IWS1: variants seen among roughly 807,000 people sequenced by gnomAD.
The protein encoded by IWS1 is protein IWS1 homolog.
In IWS1, 27 loss-of-function variants were observed where a neutral mutation model predicts 86.7. The ratio of observed to expected loss-of-function variants is 0.31; its 90% CI spans 0.23 to 0.43. The LOEUF is 0.43. Among genes scored for constraint, IWS1 ranks in the 20% least tolerant of loss-of-function variants. The probability of loss-of-function intolerance (pLI) is 1.00; values close to 1 mark genes in which losing one functional copy is unlikely to be tolerated. For synonymous variants in IWS1, 313 were observed against 335.1 expected (o/e 0.93, Z 0.72); for missense variants, 827 against 1,000.8 (o/e 0.83, Z 2.34).
In IWS1 at chr2:127,489,996, T is replaced by A; in HGVS notation, c.2048-53A>T. On this transcript the variant is annotated intron_variant, in intron 10 of 13. Coordinates refer to ENST00000295321, the MANE Select transcript of IWS1 (RefSeq NM_017969.3). This position sits in a 1 kb window ranked among gnomAD's most constrained non-coding sequence, Gnocchi z 4.8. The stretch of plus-strand genomic sequence containing the variant: ...TGTCCATAAAATTGCATTTCCATTT[T>A]TTTCAAATAATTGCACCCCAGTGTG... 9.9e-7 allele frequency: 1 copy of A among 1,007,108 alleles called. No individual in the cohort carries two copies. The highest frequency in any genetic ancestry group is 1.6e-6 in the Non-Finnish European group (1 of 629,824). The allele number at this position is 1,007,108 out of a possible 1,614,324, so 62.4% of individuals were successfully genotyped here. A position where few individuals can be genotyped will look rare whatever the true frequency, so the allele number is the denominator to read the frequency against.
intron 3 of IWS1, among the ~76,000 whole-genome samples, chr2:127,503,787 ATTATCTGTTATTTTG>A (rs1690951795): frequency 6.6e-6 from 1 of 152,162 alleles, no homozygotes; most frequent in Non-Finnish European, 1.5e-5. Flanking sequence ...CATCTTACAA[ATTATCTGTTATTTTG>A]CTTAAGAAAA....
chr2:127,526,473 G>A lies in IWS1; in HGVS notation c.-265C>T. The stretch of plus-strand genomic sequence containing the variant: ...GTTCTACTTCCTAGAAGCACCGCTG[G>A]GGCCAAAATGGCGTCTGCCCACGAC... On this transcript the variant is annotated 5_prime_UTR_variant, in exon 1 of 14. Transcript: ENST00000295321. 6.6e-7 allele frequency: 1 copy of A among 1,526,698 alleles called. No individual in the cohort carries two copies. Among genetic ancestry groups the A allele is most frequent in the South Asian group, 1.2e-5 (1 of 82,904 alleles). The allele number at this position is 1,526,698 out of a possible 1,614,324, so 94.6% of individuals were successfully genotyped here.
chr2:127,491,888 G>A (rs1690247065), intron 10 of IWS1, 83 bp downstream of exon 10: 1 of 830,612 alleles, frequency 1.2e-6, no homozygotes. Context: ...ACAAATACTG[G>A]TAAAAATACA....
Position 127,505,377 on chromosome 2 carries a change from C to G in IWS1, c.526G>C (p.Asp176His). ...TCACTGATTTGAGGTTTTAGAGCATCTTCTGTTTCAGAGTCACTAGCAGGA... is the reference window on the plus strand; with the variant it reads ...TCACTGATTTGAGGTTTTAGAGCATGTTCTGTTTCAGAGTCACTAGCAGGA... The part of the protein sequence containing the change: ...KSPASDSETE[D>H]ALKPQISDSE... The change falls in exon 3 of 14, where the codon GAT becomes CAT. Residue 176 changes from aspartate to histidine, a missense_variant. Asp to His is a moderately conservative substitution (Grantham distance 81, BLOSUM62 -1). Around this residue, in one of 2 missense-constraint regions of IWS1, gnomAD observed 548 missense variants for 560.2 expected, o/e 0.98. Transcript: ENST00000295321. This position sits in a 1 kb window ranked among gnomAD's most constrained non-coding sequence, Gnocchi z 5.0. 1 of 1,614,112 alleles carries G rather than the reference C, an allele frequency of 6.2e-7. No individual in the cohort carries two copies. Among genetic ancestry groups the G allele is most frequent in the Non-Finnish European group, 8.5e-7 (1 of 1,180,016 alleles).
At position 127,486,539 on chromosome 2, in the gene IWS1, C is replaced by T; in HGVS notation, c.2328+14G>A. 1.3e-6 allele frequency: 2 copies of T among 1,585,560 alleles called. No homozygotes were observed. The highest frequency in any genetic ancestry group is 1.7e-6 in the Non-Finnish European group (2 of 1,154,060). On this transcript the variant is annotated intron_variant, in intron 13 of 13. Coordinates refer to ENST00000295321, the MANE Select transcript of IWS1 (RefSeq NM_017969.3). ...GCAGGTGAGATCCACCTTGCCGATC[C>T]TCCGCTTGCTTACCCTGGATGACTC...
At chr2:127,484,249 T>A (rs1056523111) in intron 13 of IWS1, among the ~76,000 whole-genome samples, 4 of 152,108 alleles carry the variant, frequency 2.6e-5, no homozygotes, top group African/African-American at 9.7e-5. Context: ...GAGGCAGAGC[T>A]TGCAGTGAGC....
chr2:127,493,445 C>G, intron 8 of IWS1, 35 bp from the exon 9 acceptor site: 1 of 1,569,578 alleles, frequency 6.4e-7, no homozygotes, highest in Non-Finnish European at 8.6e-7. Context: ...ATTCTGTGAA[C>G]CTTGGTTCTA....
chr2:127,499,612 A>T lies in IWS1; in HGVS notation c.1468-1375T>A, dbSNP rs1376644334. ...TATGAGCTCCATGAAGGCAGTGTCCAGTCTCTGAAACATTTGTTGAATGAA... is the reference window on the plus strand; with the variant it reads ...TATGAGCTCCATGAAGGCAGTGTCCTGTCTCTGAAACATTTGTTGAATGAA... On this transcript the variant is annotated intron_variant, in intron 5 of 13. Coordinates refer to ENST00000295321, the MANE Select transcript of IWS1 (RefSeq NM_017969.3). This position sits in a 1 kb window ranked among gnomAD's most constrained non-coding sequence, Gnocchi z 4.0. Among the ~76,000 whole-genome samples, 1 of 152,218 alleles carries T rather than the reference A, an allele frequency of 6.6e-6. No homozygotes were observed. Among genetic ancestry groups the T allele is most frequent in the Non-Finnish European group, 1.5e-5 (1 of 68,034 alleles).
At chr2:127,501,965 T>C (rs1299668368) in intron 5 of IWS1, among the ~76,000 whole-genome samples, 1 of 152,260 alleles carries the variant, frequency 6.6e-6, no homozygotes, top group Non-Finnish European at 1.5e-5. Flanking sequence ...GAATCTTGTT[T>C]CTTATCTCCC....
Position 127,505,200 on chromosome 2 carries a change from T to C in IWS1, c.703A>G (p.Ser235Gly), listed in dbSNP as rs1449880354. 1 of 1,613,950 alleles carries C rather than the reference T, an allele frequency of 6.2e-7. No individual in the cohort carries two copies. ...ESEEPPRHQASDSENEELPKP... is the reference protein window; with the variant it reads ...ESEEPPRHQAGDSENEELPKP... ...GGAAGCTCCTCATTTTCAGAGTCAC[T>C]GGCCTGGTGCCTTGGGGGTTCCTCA... The change falls in exon 3 of 14, where the codon AGT (serine) becomes GGT (glycine). Residue 235 changes from serine to glycine, a missense_variant. Around this residue, in one of 2 missense-constraint regions of IWS1, gnomAD observed 548 missense variants for 560.2 expected, o/e 0.98. Coordinates refer to ENST00000295321, the MANE Select transcript of IWS1 (RefSeq NM_017969.3). The surrounding 1 kb of genome is among the most constrained non-coding windows in gnomAD (Gnocchi z 5.0).
intron 13 of IWS1, chr2:127,486,295 T>A: frequency 3.2e-6 from 1 of 308,684 alleles, no homozygotes; most frequent in East Asian, 6.1e-5. Flanking sequence ...GTAAAGGGAT[T>A]AATAAGAAGA....
At chr2:127,504,542 A>G (rs990920295) in intron 3 of IWS1, 142 bp downstream of exon 3, 130 of 662,518 alleles carry the variant, frequency 2.0e-4, no homozygotes, top group Non-Finnish European at 3.0e-4. Flanking sequence ...ACCAGGGGAA[A>G]TGAGTGTCCT....
intron 13 of IWS1, chr2:127,482,388 T>C (rs546097961): frequency 1.3e-5 from 2 of 152,344 alleles, no homozygotes; most frequent in East Asian, 3.9e-4. Flanking sequence ...TATTATTCTG[T>C]ATCGTCTCAA....
chr2:127,514,434 T>G (rs992439269), intron 2 of IWS1: 2 of 154,440 alleles, frequency 1.3e-5, no homozygotes, highest in African/African-American at 4.8e-5. Context: ...ATACCACCGT[T>G]CACCAACGCC....
chr2:127,481,542 C>T (rs372820763), intron 13 of IWS1, among the ~76,000 whole-genome samples: 13 of 152,070 alleles, frequency 8.5e-5, no homozygotes, highest in African/African-American at 3.1e-4. Flanking sequence ...TGGAGCTAGC[C>T]GCTTGACATG....
chr2:127,496,290 C>G, intron 6 of IWS1, 142 bp from the exon 7 acceptor site: 1 of 879,070 alleles, frequency 1.1e-6, no homozygotes, highest in Non-Finnish European at 1.7e-6. Context: ...TACAGTCATG[C>G]GCCGCATAAC....
intron 6 of IWS1, among the ~76,000 whole-genome samples, chr2:127,497,648 A>G (rs916050716): frequency 3.9e-5 from 6 of 152,204 alleles, no homozygotes; most frequent in African/African-American, 9.6e-5. Flanking sequence ...AAATGAAACT[A>G]TTTTTTAAAA....
Position 127,526,483 on chromosome 2 carries a change from G to A in IWS1, c.-275C>T, listed in dbSNP as rs1327852403. ...CTAGAAGCACCGCTGGGGCCAAAAT[G>A]GCGTCTGCCCACGACCCTCAAAGGA... On this transcript the variant is annotated 5_prime_UTR_variant, in exon 1 of 14. Transcript: ENST00000295321. 1.3e-6 allele frequency: 2 copies of A among 1,520,926 alleles called. No individual in the cohort carries two copies. Among genetic ancestry groups the A allele is most frequent in the Admixed American group, 2.0e-5 (1 of 49,814 alleles). The allele number at this position is 1,520,926 out of a possible 1,614,324, so 94.2% of individuals were successfully genotyped here.
At chr2:127,526,998 C>T, upstream of IWS1, 1 of 236,432 alleles carries the variant, frequency 4.2e-6, no homozygotes, top group South Asian at 4.3e-5. Context: ...TGTTAAGAAG[C>T]CATTTAGCCA....
Sources: allele counts gnomAD v4.1 joint callset (sites outside exome capture counted in the v4.1 genomes callset), GRCh38; gene constraint gnomAD v4.1.1; regional missense constraint gnomAD v4.1.1; non-coding constraint Gnocchi (gnomAD v3.1); transcripts MANE v1.5; gene names NCBI Gene and HGNC (gene_info 2026-07-23, HGNC 2026-07-21).